Variants in RNF212B observed in about 807,000 individuals in gnomAD.
RNF212B encodes the protein E3 ubiquitin-protein ligase RNF212B.
In RNF212B, 52 loss-of-function variants were observed where a neutral mutation model predicts 55.5. That is an observed-to-expected ratio of 0.94 (90% confidence interval 0.75 to 1.18). RNF212B has a LOEUF of 1.18. Ranked by LOEUF, RNF212B falls within the 50% of genes most tolerant of loss-of-function variation. RNF212B has a pLI of 0.00. For missense variants in RNF212B, 289 were observed against 350.4 expected, an observed-to-expected ratio of 0.82 and a Z score of 1.40; for synonymous variants, 99 against 121.4, an observed-to-expected ratio of 0.82 and a Z score of 1.21.
chr14:23,252,473 G>C (rs925596412), intron 4 of RNF212B, among the ~76,000 whole-genome samples: 1 of 152,154 alleles, frequency 6.6e-6, no homozygotes, highest in Non-Finnish European at 1.5e-5. Context: ...AACCATATCA[G>C]GTTCATTGCC....
chr14:23,193,314 T>C (rs1227173968), intron 1 of RNF212B: 1 of 152,194 alleles, frequency 6.6e-6, no homozygotes, highest in Non-Finnish European at 1.5e-5. Flanking sequence ...CTCTCTTGTG[T>C]TCTTTTTCAG....
rs1886232356 is a variant in RNF212B at position 23,273,071 on chromosome 14, G to A, written c.*180G>A. ...TTATCACCTCCCAGGACAGTGGTCA[G>A]GTCTTACAAAAGGCTAGTGCTTCAG... On this transcript the variant is annotated 3_prime_UTR_variant, in exon 15 of 15. Transcript: ENST00000430154. The A allele has an allele frequency of 2.4e-6, 1 of 413,280 alleles. No individual in the cohort carries two copies. Among genetic ancestry groups the A allele is most frequent in the Non-Finnish European group, 4.3e-6 (1 of 232,976 alleles). 25.6% of individuals were successfully genotyped at this position (413,280 alleles called of 1,614,324 possible). A position where few individuals can be genotyped will look rare whatever the true frequency, so the allele number is the denominator to read the frequency against.
chr14:23,257,753 T>C (rs758537903), intron 4 of RNF212B, among the ~76,000 whole-genome samples: 6 of 152,170 alleles, frequency 3.9e-5, no homozygotes, highest in Non-Finnish European at 5.9e-5. Flanking sequence ...TACGTGTGCA[T>C]GCCCAGAAAA....
Position 23,272,839 on chromosome 14 carries a change from G to A in RNF212B, c.851G>A (p.Arg284Gln), listed in dbSNP as rs746300487. 5.3e-5 allele frequency: 82 copies of A among 1,548,560 alleles called. 2 individuals are homozygous for A. The African/African-American group carries it at 5.8e-4, about 11-fold the overall frequency. ...LPVLQTLYQQ[R>Q]RHMGLPSGRE... ...CTGCTGCAGACTCTCTACCAACAAC[G>A]GAGGCATATGGGATTACCCAGTGGG... The change falls in exon 15 of 15, where the codon CGG becomes CAG. Residue 284 changes from arginine (R) to glutamine (Q), a missense_variant. By Grantham distance (43) the Arg-to-Gln change is conservative. Transcript: ENST00000430154.
intron 2 of RNF212B, among the ~76,000 whole-genome samples, chr14:23,202,744 G>A (rs1021103840): frequency 6.6e-5 from 10 of 151,758 alleles, no homozygotes; most frequent in Non-Finnish European, 1.3e-4. Context: ...CCAGCTACTC[G>A]AGAGGCTGAG....
At chr14:23,210,848 A>G (rs1404573741) in intron 2 of RNF212B, among the ~76,000 whole-genome samples, 1 of 151,750 alleles carries the variant, frequency 6.6e-6, no homozygotes, top group Non-Finnish European at 1.5e-5. Flanking sequence ...AAGGATATCC[A>G]GGAACTCTCT....
At chr14:23,208,960 G>A (rs12879411) in intron 2 of RNF212B, among the ~76,000 whole-genome samples, 66,943 of 150,262 alleles carry the variant, frequency 0.45, 17,741 homozygotes, top group Admixed American at 0.58. Context: ...GGGTTTCATC[G>A]TGTTAGCCGG....
At chr14:23,268,412 C>T (rs949395440) in intron 11 of RNF212B, among the ~76,000 whole-genome samples, 1 of 152,208 alleles carries the variant, frequency 6.6e-6, no homozygotes, top group East Asian at 1.9e-4. Flanking sequence ...GCTGTTTTTA[C>T]TAACATTTTG....
At chr14:23,266,952 T>C (rs1445954444) in intron 11 of RNF212B, among the ~76,000 whole-genome samples, 3 of 152,222 alleles carry the variant, frequency 2.0e-5, no homozygotes, top group Non-Finnish European at 4.4e-5. Flanking sequence ...CCAACTATTA[T>C]TGTGGTTTTT....
In RNF212B at chr14:23,258,519, GTA is replaced by G. The variant is rs1003757328; in HGVS notation, c.229-28_229-27del. ...GTGAAGGGAAAGGAGTTATGGGAGA[GTA>G]TGTCAAAGGCTTGTTTTTCCCTAGT... On this transcript the variant is annotated intron_variant, in intron 4 of 14. Coordinates refer to ENST00000430154, the MANE Select transcript of RNF212B (RefSeq NM_001282322.3). 8 of 1,086,054 alleles carry G rather than the reference GTA, an allele frequency of 7.4e-6. No individual in the cohort carries two copies. In the African/African-American group the frequency reaches 1.3e-4, roughly 17 times the overall value. The allele number at this position is 1,086,054 out of a possible 1,614,324, so 67.3% of individuals were successfully genotyped here.
Position 23,221,850 on chromosome 14 carries a change from T to C in RNF212B, c.-1-18495T>C, listed in dbSNP as rs145321930. On this transcript the variant is annotated intron_variant, in intron 2 of 15. Transcript: ENST00000399910. ...AACAGGAGGAATTTTGGAAAGTATATGAACACATGGAAATTAAACAGTATG... is the reference window on the plus strand; with the variant it reads ...AACAGGAGGAATTTTGGAAAGTATACGAACACATGGAAATTAAACAGTATG... 8.7e-3 allele frequency among the ~76,000 whole-genome samples: 1,320 copies of C among 152,216 alleles called. 25 individuals carry two copies. The highest frequency in any genetic ancestry group is 0.03 in the African/African-American group (1,249 of 41,516).
chr14:23,249,150 A>C (rs972979051), intron 4 of RNF212B, among the ~76,000 whole-genome samples: 3 of 152,264 alleles, frequency 2.0e-5, no homozygotes, highest in African/African-American at 7.2e-5. Context: ...TTTTACTAAT[A>C]TATACATACA....
rs1566420258 is a variant in RNF212B at position 23,238,762 on chromosome 14, A to ATCATCATC, written c.-2+707_-2+708insTCATCATC. The stretch of plus-strand genomic sequence containing the variant: ...AAATAATAATAATAATAATAATAAT[A>ATCATCATC]ATAATAATAATAATAATAATCCCAC... On this transcript the variant is annotated intron_variant, in intron 1 of 14. Coordinates refer to ENST00000430154, the MANE Select transcript of RNF212B (RefSeq NM_001282322.3). Among the ~76,000 whole-genome samples, 4 of 142,054 alleles carry ATCATCATC rather than the reference A, an allele frequency of 2.8e-5. No individual in the cohort carries two copies. In the East Asian group the frequency reaches 8.8e-4, roughly 31 times the overall value. 93.2% of individuals were successfully genotyped at this position (142,054 alleles called of 152,430 possible).
chr14:23,271,600 T>C (rs1886092331), intron 14 of RNF212B, among the ~76,000 whole-genome samples: 1 of 152,110 alleles, frequency 6.6e-6, no homozygotes, highest in Non-Finnish European at 1.5e-5. Flanking sequence ...AAGATAAGTA[T>C]ATATTTTGCT....
chr14:23,267,676 G>A (rs929460742), intron 11 of RNF212B, among the ~76,000 whole-genome samples: 4 of 152,110 alleles, frequency 2.6e-5, no homozygotes, highest in African/African-American at 9.7e-5. Flanking sequence ...TGATCTGCCT[G>A]CCTCGGCCTC....
Position 23,208,760 on chromosome 14 carries a change from T to TTTTG in RNF212B, c.-2+15362_-2+15363insGTTT, listed in dbSNP as rs1411630960. Among the ~76,000 whole-genome samples the TTTTG allele has an allele frequency of 4.8e-5, 6 of 125,678 alleles. 2 individuals carry two copies. In the South Asian group the frequency reaches 1.0e-3, roughly 21 times the overall value. The allele number at this position is 125,678 out of a possible 152,430, so 82.4% of individuals were successfully genotyped here. ...GTCCCAAGGGCTGCTGGTTGCCGTT[T>TTTTG]TTTTTTTTTTTTTTTTGAGACGGAG... On this transcript the variant is annotated intron_variant, in intron 2 of 15. Coordinates refer to the RNF212B transcript ENST00000399910.
chr14:23,208,996 G>C (rs1880198807), intron 2 of RNF212B, among the ~76,000 whole-genome samples: 1 of 152,000 alleles, frequency 6.6e-6, no homozygotes, highest in Admixed American at 6.5e-5. Flanking sequence ...CTGACCTCGT[G>C]ATCCGCCCGC....
intron 2 of RNF212B, among the ~76,000 whole-genome samples, chr14:23,223,174 G>A (rs925953093): frequency 4.6e-5 from 7 of 151,884 alleles, no homozygotes; most frequent in African/African-American, 9.7e-5. Flanking sequence ...TCAATAGAAC[G>A]AAGGACAAAC....
At chr14:23,195,356 A>G (rs1162412616) in intron 2 of RNF212B, among the ~76,000 whole-genome samples, 1 of 152,168 alleles carries the variant, frequency 6.6e-6, no homozygotes, top group East Asian at 1.9e-4. Flanking sequence ...AAGATTTATA[A>G]TAAATGAATT....
Sources: allele counts gnomAD v4.1 joint callset (sites outside exome capture counted in the v4.1 genomes callset), GRCh38; gene constraint gnomAD v4.1.1; transcripts MANE v1.5; gene names NCBI Gene and HGNC (gene_info 2026-07-23, HGNC 2026-07-21).